PKD1L1: variants seen among roughly 807,000 people sequenced by gnomAD.
PKD1L1 encodes polycystin 1 like 1, transient receptor potential channel interacting.
In PKD1L1, 236 loss-of-function variants were observed where a neutral mutation model predicts 323.4. The ratio of observed to expected loss-of-function variants is 0.73; its 90% CI spans 0.66 to 0.81. The LOEUF is 0.81. Among genes scored for constraint, PKD1L1 ranks in the 40% least tolerant of loss-of-function variants. PKD1L1 has a pLI of 0.00. For missense variants in PKD1L1, 3,320 were observed against 3,508.0 expected, an observed-to-expected ratio of 0.95 and a Z score of 1.35; for synonymous variants, 1,344 against 1,335.0, an observed-to-expected ratio of 1.01 and a Z score of -0.15.
At chr7:47,863,385 A>G (rs987632012) in intron 26 of PKD1L1, among the ~76,000 whole-genome samples, 4 of 151,584 alleles carry the variant, frequency 2.6e-5, no homozygotes, top group Non-Finnish European at 5.9e-5. Context: ...CAGAGTCCCT[A>G]TCAGATGGAT....
chr7:47,872,093 A>G (rs1340179399), intron 24 of PKD1L1, among the ~76,000 whole-genome samples: 1 of 152,102 alleles, frequency 6.6e-6, no homozygotes, highest in Non-Finnish European at 1.5e-5. Flanking sequence ...GATACAAGAT[A>G]CTCCCCAAAC....
intron 2 of PKD1L1, among the ~76,000 whole-genome samples, chr7:47,942,033 C>T (rs1787999007): frequency 6.6e-6 from 1 of 152,148 alleles, no homozygotes; most frequent in Non-Finnish European, 1.5e-5. Context: ...TAACATCCAT[C>T]TCATCTGAGT....
chr7:47,833,161 T>C lies in PKD1L1; in HGVS notation c.6266A>G (p.Gln2089Arg). 1 of 1,612,822 alleles carries C rather than the reference T, an allele frequency of 6.2e-7. No individual in the cohort carries two copies. Among genetic ancestry groups the C allele is most frequent in the South Asian group, 1.1e-5 (1 of 90,578 alleles). Residue 2089 changes from glutamine to arginine, a missense_variant, in exon 41 of 57, where the codon CAG becomes CGG. Transcript: ENST00000289672. Reference protein sequence around the residue: ...NGTACPAPKLQVHGADHSRTS... With the variant: ...NGTACPAPKLRVHGADHSRTS... ...CCTGCTGTGGTCAGCCCCATGAACC[T>C]GCAGCTTAGGGGCTGGACAAGCTGT... is the stretch of plus-strand genomic sequence containing the variant.
the PKD1L1 span, among the ~76,000 whole-genome samples, chr7:47,958,098 AAAATTCGTATGTAACCACAAAAGACCTTG>A: frequency 6.6e-6 from 1 of 152,136 alleles, no homozygotes; most frequent in Non-Finnish European, 1.5e-5. Flanking sequence ...AAAAAATCCT[AAAATTCGTATGTAACCACAAAAGACCTTG>A]AATAGCCAAA....
intron 6 of PKD1L1, among the ~76,000 whole-genome samples, chr7:47,929,827 T>C (rs1191717199): frequency 6.6e-6 from 1 of 152,228 alleles, no homozygotes; most frequent in Non-Finnish European, 1.5e-5. Context: ...TGGGAGTCAC[T>C]GCTCTAGCTA....
In PKD1L1 at chr7:47,888,076, A is replaced by G. The variant is rs1786722986; in HGVS notation, c.2750T>C (p.Met917Thr). ...NWNDELSLQAMCEDCSEIPNL... is the reference protein window; with the variant it reads ...NWNDELSLQATCEDCSEIPNL... Reference sequence around the variant, plus strand: ...CGGTATTTCACTGCAGTCCTCACACATAGCTTGAAGAGAGAGTTCGTCATT... The same window carrying G: ...CGGTATTTCACTGCAGTCCTCACACGTAGCTTGAAGAGAGAGTTCGTCATT... Residue 917 changes from methionine (M) to threonine (T), a missense_variant, in exon 17 of 57, where the codon ATG becomes ACG. By Grantham distance (81) the Met-to-Thr change is moderately conservative (BLOSUM62 -1). Coordinates refer to ENST00000289672, the MANE Select transcript of PKD1L1 (RefSeq NM_138295.5). The G allele has an allele frequency of 1.2e-6, 2 of 1,613,996 alleles. No homozygotes were observed. The highest frequency in any genetic ancestry group is 1.3e-5 in the African/African-American group (1 of 75,040).
chr7:47,793,443 G>T (rs972364387), intron 55 of PKD1L1, among the ~76,000 whole-genome samples: 4 of 152,114 alleles, frequency 2.6e-5, no homozygotes, highest in Admixed American at 2.0e-4. Flanking sequence ...AGATCTGATG[G>T]CTTATCAGGT....
At chr7:47,911,845 G>A (rs1337056658) in intron 8 of PKD1L1, among the ~76,000 whole-genome samples, 6 of 151,062 alleles carry the variant, frequency 4.0e-5, no homozygotes, top group Admixed American at 3.3e-4. Context: ...ATACATGTGT[G>A]TACGCAACAC....
chr7:47,884,749 T>G (rs1214683981), intron 18 of PKD1L1, 92 bp from the exon 19 acceptor site: 2 of 1,035,210 alleles, frequency 1.9e-6, no homozygotes, highest in African/African-American at 3.2e-5. Flanking sequence ...ACATTGTCCT[T>G]GGTGTATTTC....
intron 33 of PKD1L1, among the ~76,000 whole-genome samples, chr7:47,844,603 G>A (rs1454124182): frequency 6.6e-6 from 1 of 152,180 alleles, no homozygotes; most frequent in African/African-American, 2.4e-5. Context: ...GAGAGAAAGA[G>A]GGAGCTATTA....
Position 47,892,734 on chromosome 7 carries a change from C to G in PKD1L1, c.2453+1144G>C, listed in dbSNP as rs759823381. 6.2e-4 allele frequency among the ~76,000 whole-genome samples: 94 copies of G among 152,152 alleles called. 1 individual carries two copies. Among genetic ancestry groups the G allele is most frequent in the Non-Finnish European group, 1.0e-4 (7 of 68,008 alleles). ...AAACCAATAATACTAGTAAAAGAAC[C>G]TATCCCTGCCTTGGAGACAGGGCTG... On this transcript the variant is annotated intron_variant, in intron 15 of 56. Transcript: ENST00000289672.
At chr7:47,905,061 G>T in intron 11 of PKD1L1, 96 bp downstream of exon 11, 1 of 1,341,128 alleles carries the variant, frequency 7.5e-7, no homozygotes, top group Admixed American at 2.2e-5. Context: ...AAATGCAACA[G>T]CCATAAAATG....
Position 47,940,335 on chromosome 7 carries a change from A to G in PKD1L1, c.161-18T>C, listed in dbSNP as rs780759646. ...ATAGACCTCTAGAGAAAAAAAAAAA[A>G]GCAAACATTCTGAAGACTGCAATGT... On this transcript the variant is annotated intron_variant, in intron 2 of 56. Coordinates refer to ENST00000289672, the MANE Select transcript of PKD1L1 (RefSeq NM_138295.5). 3 of 1,603,782 alleles carry G rather than the reference A, an allele frequency of 1.9e-6. No individual in the cohort carries two copies. The highest frequency in any genetic ancestry group is 1.7e-4 in the Middle Eastern group (1 of 6,004).
At position 47,904,593 on chromosome 7, in the gene PKD1L1, G is replaced by A. The variant is rs1422049066; in HGVS notation, c.1716C>T (p.Ser572=). 13 of 1,613,696 alleles carry A rather than the reference G, an allele frequency of 8.1e-6. No individual in the cohort carries two copies. The highest frequency in any genetic ancestry group is 2.2e-5 in the East Asian group (1 of 44,860). Residue 572 remains serine, a synonymous_variant, in exon 12 of 57, where the codon TCC becomes TCT. Transcript: ENST00000289672. ...CAGAGACCACACTGCTCATCCTGTTGGAAGCCTTAACCATCACACGATACC... is the reference window on the plus strand; with the variant it reads ...CAGAGACCACACTGCTCATCCTGTTAGAAGCCTTAACCATCACACGATACC... ...PQWYRVMVKA[S]NRMSSVVSEP...
At chr7:47,786,809 C>G (rs1335208613) in intron 56 of PKD1L1, among the ~76,000 whole-genome samples, 1 of 152,186 alleles carries the variant, frequency 6.6e-6, no homozygotes, top group Admixed American at 6.5e-5. Context: ...TCTGCCCAAT[C>G]AGCAGCAGCC....
chr7:47,826,740 G>A (rs955546331), intron 45 of PKD1L1, among the ~76,000 whole-genome samples: 2 of 152,198 alleles, frequency 1.3e-5, no homozygotes, highest in African/African-American at 4.8e-5. Flanking sequence ...TGGTACCACT[G>A]AGAGAAATGT....
chr7:47,799,567 A>G (rs2128725526), intron 54 of PKD1L1, among the ~76,000 whole-genome samples: 1 of 152,354 alleles, frequency 6.6e-6, no homozygotes, highest in South Asian at 2.1e-4. Context: ...GACAAAAACC[A>G]ATAGCACAAG....
chr7:47,849,345 G>C (rs1383966465), intron 31 of PKD1L1, among the ~76,000 whole-genome samples: 2 of 152,086 alleles, frequency 1.3e-5, no homozygotes, highest in African/African-American at 4.8e-5. Context: ...AAAATAAATA[G>C]ATAGGACCTA....
chr7:47,884,569 A>G, intron 19 of PKD1L1, 29 bp downstream of exon 19: 1 of 1,603,184 alleles, frequency 6.2e-7, no homozygotes, highest in Non-Finnish European at 8.5e-7. Context: ...CTGAGTGGAG[A>G]GAGGCAGCAG....
Sources: allele counts gnomAD v4.1 joint callset (sites outside exome capture counted in the v4.1 genomes callset), GRCh38; gene constraint gnomAD v4.1.1; transcripts MANE v1.5; gene names NCBI Gene and HGNC (gene_info 2026-07-23, HGNC 2026-07-21).